Variants in KCNH8 observed in about 807,000 individuals in gnomAD.
KCNH8 encodes potassium voltage-gated channel subfamily H member 8.
A neutral mutation model predicts 103.6 loss-of-function variants in KCNH8; 70 were observed. That is an observed-to-expected ratio of 0.68 (90% CI 0.56 to 0.82). KCNH8 has a LOEUF of 0.82. Among genes scored for constraint, KCNH8 ranks in the 40% least tolerant of loss-of-function variants. The pLI, the probability that KCNH8 is intolerant of heterozygous loss-of-function variation, is 0.00. For missense variants in KCNH8, 1,217 were observed against 1,329.9 expected, an observed-to-expected ratio of 0.92 and a Z score of 1.32; for synonymous variants, 498 against 489.4, an observed-to-expected ratio of 1.02 and a Z score of -0.23.
intron 11 of KCNH8, among the ~76,000 whole-genome samples, chr3:19,468,716 T>C (rs1217372214): frequency 1.3e-5 from 2 of 152,194 alleles, no homozygotes; most frequent in African/African-American, 4.8e-5. Context: ...CCATGAACTA[T>C]TGAGTTACGT....
At chr3:19,489,904 G>A (rs539428205) in intron 11 of KCNH8, among the ~76,000 whole-genome samples, 1 of 152,330 alleles carries the variant, frequency 6.6e-6, no homozygotes, top group African/African-American at 2.4e-5. Context: ...GGCACGTCGT[G>A]GGTGATCAGG....
At chr3:19,342,114 A>G (rs1421104125) in intron 3 of KCNH8, among the ~76,000 whole-genome samples, 10 of 152,242 alleles carry the variant, frequency 6.6e-5, no homozygotes. Flanking sequence ...ATATGCAAAT[A>G]TGGAATGATT....
intron 7 of KCNH8, among the ~76,000 whole-genome samples, chr3:19,417,720 A>G (rs2125153250): frequency 6.6e-6 from 1 of 152,272 alleles, no homozygotes; most frequent in East Asian, 1.9e-4. Flanking sequence ...GGAATGCATG[A>G]CAAGTTAATA....
At chr3:19,500,958 A>C (rs898532245) in intron 11 of KCNH8, among the ~76,000 whole-genome samples, 7 of 152,214 alleles carry the variant, frequency 4.6e-5, no homozygotes, top group African/African-American at 1.7e-4. Context: ...GAGACACAAA[A>C]AACCCTTCAA....
At chr3:19,523,770 T>C (rs994312813) in intron 15 of KCNH8, among the ~76,000 whole-genome samples, 2 of 151,942 alleles carry the variant, frequency 1.3e-5, no homozygotes, top group African/African-American at 2.4e-5. Flanking sequence ...GCTAATAATA[T>C]CTACCATAGC....
intron 4 of KCNH8, among the ~76,000 whole-genome samples, chr3:19,344,824 T>G (rs902886656): frequency 1.4e-4 from 21 of 152,146 alleles, no homozygotes; most frequent in Admixed American, 1.2e-3. Flanking sequence ...TACATCATAT[T>G]ATTTGATTCT....
intron 1 of KCNH8, among the ~76,000 whole-genome samples, chr3:19,200,791 T>C (rs1019313238): frequency 6.6e-6 from 1 of 152,090 alleles, no homozygotes; most frequent in South Asian, 2.1e-4. Context: ...GTTACTTTTA[T>C]AGTGAGAGTT....
At chr3:19,498,775 C>T (rs2068505700) in intron 11 of KCNH8, among the ~76,000 whole-genome samples, 1 of 152,038 alleles carries the variant, frequency 6.6e-6, no homozygotes, top group Non-Finnish European at 1.5e-5. Flanking sequence ...GATGTCCTTT[C>T]TGTTTGTTAG....
At chr3:19,385,839 T>C (rs1260428532) in intron 5 of KCNH8, among the ~76,000 whole-genome samples, 1 of 152,182 alleles carries the variant, frequency 6.6e-6, no homozygotes, top group African/African-American at 2.4e-5. Context: ...GCTGGTTTAA[T>C]TAAATATCTC....
intron 15 of KCNH8, among the ~76,000 whole-genome samples, chr3:19,527,342 G>C (rs1321789048): frequency 6.6e-6 from 1 of 152,010 alleles, no homozygotes; most frequent in Non-Finnish European, 1.5e-5. Flanking sequence ...AATACTTTCT[G>C]GATTAGGATT....
At chr3:19,282,584 C>CT (rs772002843) in intron 3 of KCNH8, among the ~76,000 whole-genome samples, 213 of 151,878 alleles carry the variant, frequency 1.4e-3, no homozygotes, top group Non-Finnish European at 1.8e-3. Flanking sequence ...AAATACATGA[C>CT]TTTTTTTTGC....
intron 1 of KCNH8, among the ~76,000 whole-genome samples, chr3:19,249,599 G>A (rs1191564816): frequency 1.3e-5 from 2 of 151,988 alleles, no homozygotes; most frequent in Non-Finnish European, 2.9e-5. Flanking sequence ...TAGCTCTGAG[G>A]GACTGGTCTT....
At chr3:19,493,620 T>C (rs564264025) in intron 11 of KCNH8, among the ~76,000 whole-genome samples, 5 of 152,274 alleles carry the variant, frequency 3.3e-5, no homozygotes, top group Non-Finnish European at 5.9e-5. Context: ...TTAGGTAGTA[T>C]CTTTATAGCA....
intron 3 of KCNH8, among the ~76,000 whole-genome samples, chr3:19,341,500 A>C (rs1485690788): frequency 6.6e-6 from 1 of 152,096 alleles, no homozygotes; most frequent in Non-Finnish European, 1.5e-5. Context: ...GATACTTTAA[A>C]ATTTGTAAAC....
At chr3:19,255,081 C>A (rs1317235606) in intron 2 of KCNH8, among the ~76,000 whole-genome samples, 1 of 152,036 alleles carries the variant, frequency 6.6e-6, no homozygotes, top group Non-Finnish European at 1.5e-5. Context: ...TCCAATATGA[C>A]TAGAGTCCTT....
At chr3:19,481,819 C>T (rs1478464468) in intron 11 of KCNH8, among the ~76,000 whole-genome samples, 2 of 152,126 alleles carry the variant, frequency 1.3e-5, no homozygotes, top group Non-Finnish European at 2.9e-5. Context: ...GGAGAAAGTA[C>T]CTGAGAAAAC....
intron 1 of KCNH8, among the ~76,000 whole-genome samples, chr3:19,163,687 G>A (rs987225671): frequency 6.6e-6 from 1 of 152,098 alleles, no homozygotes; most frequent in African/African-American, 2.4e-5. Context: ...AATTGCGCGA[G>A]TCCACTTATA....
chr3:19,160,793 G>C (rs1180656331), intron 1 of KCNH8, among the ~76,000 whole-genome samples: 1 of 152,062 alleles, frequency 6.6e-6, no homozygotes, highest in Non-Finnish European at 1.5e-5. Flanking sequence ...TATCCATGCT[G>C]TACATGCTAC....
chr3:19,289,138 A>G (rs1421323089), intron 3 of KCNH8, among the ~76,000 whole-genome samples: 4 of 151,938 alleles, frequency 2.6e-5, no homozygotes, highest in African/African-American at 4.8e-5. Context: ...CCTTTGTCAG[A>G]TGAGTAGATT....
Sources: gnomAD v4.1 joint callset for allele counts (sites outside exome capture counted in the v4.1 genomes callset) on GRCh38, gnomAD v4.1.1 for gene constraint, MANE v1.5 for transcripts, NCBI Gene and HGNC (gene_info 2026-07-23, HGNC 2026-07-21) for gene names.